DGKB: variants seen among roughly 807,000 people sequenced by gnomAD.
DGKB encodes 90 kDa diacylglycerol kinase.
Under a neutral mutation model 114.3 loss-of-function variants are expected in DGKB, and 67 were observed. The ratio of observed to expected loss-of-function variants is 0.59; its 90% CI spans 0.48 to 0.72. The LOEUF is 0.72. Among genes scored for constraint, DGKB ranks in the 30% least tolerant of loss-of-function variants. DGKB has a pLI of 0.00. For synonymous variants in DGKB, 398 were observed against 323.1 expected, an observed-to-expected ratio of 1.23 and a Z score of -2.49; for missense variants, 907 against 975.2, an observed-to-expected ratio of 0.93 and a Z score of 0.93.
chr7:14,416,115 G>T (rs1369617293), intron 21 of DGKB, among the ~76,000 whole-genome samples: 1 of 151,992 alleles, frequency 6.6e-6, no homozygotes, highest in East Asian at 1.9e-4. Flanking sequence ...TTTTGATGGG[G>T]TTGTTTGTTT....
chr7:14,535,291 C>G (rs1334501544), intron 20 of DGKB, among the ~76,000 whole-genome samples: 6 of 151,234 alleles, frequency 4.0e-5, no homozygotes, highest in Non-Finnish European at 7.4e-5. Flanking sequence ...ATTGCTTGAG[C>G]CTAGGAGTTC....
chr7:14,383,762 G>T (rs191379901), intron 21 of DGKB, among the ~76,000 whole-genome samples: 387 of 152,316 alleles, frequency 2.5e-3, no homozygotes, highest in Non-Finnish European at 3.9e-3. Flanking sequence ...ACTTAGTTAT[G>T]TGTCCACACA....
chr7:14,550,219 T>G, intron 20 of DGKB, among the ~76,000 whole-genome samples: 1 of 152,158 alleles, frequency 6.6e-6, no homozygotes, highest in East Asian at 1.9e-4. Context: ...ACAACTTATT[T>G]ATCATTCATT....
At chr7:14,570,668 G>C (rs1022756074) in intron 20 of DGKB, among the ~76,000 whole-genome samples, 1 of 152,068 alleles carries the variant, frequency 6.6e-6, no homozygotes, top group Non-Finnish European at 1.5e-5. Context: ...ACTGGAAGTT[G>C]ATCATCATAA....
chr7:14,171,758 G>C (rs904047885), intron 25 of DGKB, among the ~76,000 whole-genome samples: 1 of 152,170 alleles, frequency 6.6e-6, no homozygotes, highest in Non-Finnish European at 1.5e-5. Context: ...AGAAGATTTA[G>C]TAGAAAAACA....
At chr7:14,241,131 TTCA>T (rs534179359) in intron 23 of DGKB, among the ~76,000 whole-genome samples, 1 of 152,124 alleles carries the variant, frequency 6.6e-6, no homozygotes, top group Non-Finnish European at 1.5e-5. Flanking sequence ...GTACGGCGCT[TTCA>T]TCTAACCTAG....
At chr7:14,326,381 C>T (rs566411223) in intron 23 of DGKB, among the ~76,000 whole-genome samples, 1 of 151,912 alleles carries the variant, frequency 6.6e-6, no homozygotes, top group African/African-American at 2.4e-5. Flanking sequence ...AAAGTCAGTA[C>T]AGTATTAGAA....
chr7:14,825,283 G>A (rs1192402523), intron 2 of DGKB, among the ~76,000 whole-genome samples: 1 of 151,468 alleles, frequency 6.6e-6, no homozygotes, highest in African/African-American at 2.4e-5. Context: ...GTGGGGAAAT[G>A]GTTTCGGAAT....
rs62443516 is a variant in DGKB at position 14,536,517 on chromosome 7, T to A, written c.1770+37695A>T. On this transcript the variant is annotated intron_variant, in intron 20 of 25. Coordinates refer to ENST00000402815, the MANE Select transcript of DGKB (RefSeq NM_001350709.2). ...GCAAGGACAATTTAACACATGCAAA[T>A]CAATTAATGGGATACATGACCTTAG... Among the ~76,000 whole-genome samples the A allele has an allele frequency of 7.4e-3, 1,130 of 152,200 alleles. 6 individuals are homozygous for A. Among genetic ancestry groups the A allele is most frequent in the Middle Eastern group, 0.017 (5 of 294 alleles).
chr7:14,929,600 T>C (rs1784904334), intron 1 of DGKB, among the ~76,000 whole-genome samples: 2 of 152,230 alleles, frequency 1.3e-5, no homozygotes, highest in South Asian at 4.1e-4. Context: ...GTTATTTGAG[T>C]TCTTTGTATA....
chr7:14,351,538 C>T (rs567485619), intron 21 of DGKB, among the ~76,000 whole-genome samples: 14 of 152,238 alleles, frequency 9.2e-5, no homozygotes, highest in African/African-American at 3.4e-4. Flanking sequence ...TGAACTATGG[C>T]CACAGGTATT....
At chr7:14,164,490 G>A (rs1784358756) in intron 25 of DGKB, among the ~76,000 whole-genome samples, 1 of 152,194 alleles carries the variant, frequency 6.6e-6, no homozygotes, top group South Asian at 2.1e-4. Flanking sequence ...CAAGAGTTAT[G>A]TAACTATGCG....
intron 21 of DGKB, among the ~76,000 whole-genome samples, chr7:14,440,569 C>G (rs1829943359): frequency 6.6e-6 from 1 of 152,164 alleles, no homozygotes. Context: ...ATAAAGGTAA[C>G]TCAAATTCCT....
chr7:14,360,099 G>A (rs1193604200), intron 21 of DGKB, among the ~76,000 whole-genome samples: 2 of 152,154 alleles, frequency 1.3e-5, no homozygotes, highest in African/African-American at 4.8e-5. Flanking sequence ...TTAAGAAAAT[G>A]TGGCACATAT....
intron 1 of DGKB, among the ~76,000 whole-genome samples, chr7:14,857,545 A>G (rs1211954469): frequency 6.6e-6 from 1 of 152,220 alleles, no homozygotes; most frequent in Non-Finnish European, 1.5e-5. Flanking sequence ...TTGTTAAAAC[A>G]TAAAGTAATA....
intron 1 of DGKB, among the ~76,000 whole-genome samples, chr7:14,846,811 A>C (rs1198818969): frequency 6.6e-6 from 1 of 152,232 alleles, no homozygotes; most frequent in Non-Finnish European, 1.5e-5. Context: ...CCTGGGCTAA[A>C]GCACAATCCC....
At chr7:14,196,878 T>C (rs1438620788) in intron 23 of DGKB, among the ~76,000 whole-genome samples, 1 of 152,146 alleles carries the variant, frequency 6.6e-6, no homozygotes, top group Non-Finnish European at 1.5e-5. Flanking sequence ...AAAGTTTTCA[T>C]TGATGTTTTA....
chr7:14,701,567 G>A, intron 7 of DGKB, 114 bp downstream of exon 7: 1 of 728,292 alleles, frequency 1.4e-6, no homozygotes, highest in Non-Finnish European at 2.4e-6. Flanking sequence ...CCATATGAGT[G>A]GATGTAAATT....
chr7:14,966,418 T>C (rs1287343039), intron 1 of DGKB, among the ~76,000 whole-genome samples: 1 of 151,672 alleles, frequency 6.6e-6, no homozygotes, highest in Non-Finnish European at 1.5e-5. Context: ...ATGGTGGAAG[T>C]TTCAAGGGAA....
Sources: allele counts gnomAD v4.1 joint callset (sites outside exome capture counted in the v4.1 genomes callset), GRCh38; gene constraint gnomAD v4.1.1; transcripts MANE v1.5; gene names NCBI Gene and HGNC (gene_info 2026-07-23, HGNC 2026-07-21).